The following AFF2 variants were observed in gnomAD, a reference collection of about 807,000 sequenced individuals.
AFF2 encodes ALF transcription elongation factor 2, also known as AF4/FMR2 family member 2.
Under a neutral mutation model 76.9 loss-of-function variants are expected in AFF2, and 14 were observed. The ratio of observed to expected loss-of-function variants is 0.18; its 90% CI spans 0.12 to 0.28. The LOEUF (loss-of-function observed/expected upper bound fraction) is 0.28. Ranked by LOEUF, AFF2 falls within the 10% of genes least tolerant of loss-of-function variation. The pLI is 1.00. For synonymous variants in AFF2, 398 were observed against 366.7 expected (o/e 1.09, Z -0.98); for missense variants, 868 against 1,001.1 (o/e 0.87, Z 1.79).
Position 148,962,938 on chromosome X carries a change from G to A in AFF2, c.2913+1G>A. 3 of 1,143,066 alleles carry A rather than the reference G, an allele frequency of 2.6e-6. No individual in the cohort carries two copies. The highest frequency in any genetic ancestry group is 1.8e-5 in the African/African-American group (1 of 56,417). 94.2% of individuals were successfully genotyped at this position (1,143,066 alleles called of 1,213,427 possible). Reference sequence around the variant, plus strand: ...TACTTTCAAAGGGATATCGGTAAATGTAAGCATCTTGGAAGAAATATTATT... The same window carrying A: ...TACTTTCAAAGGGATATCGGTAAATATAAGCATCTTGGAAGAAATATTATT... On this transcript the variant is annotated splice_donor_variant, in intron 13 of 20. Coordinates refer to ENST00000370460, the MANE Select transcript of AFF2 (RefSeq NM_002025.4). LOFTEE classifies it high-confidence loss of function.
At chrX:148,963,026 G>A in intron 13 of AFF2, 89 bp downstream of exon 13, 1 of 608,632 alleles carries the variant, frequency 1.6e-6, no homozygotes, top group East Asian at 3.5e-5. Flanking sequence ...TGTTGCAGGA[G>A]GAAGGGAGGA....
chrX:148,819,904 T>C (rs1007703288), intron 4 of AFF2, among the ~76,000 whole-genome samples: 1 of 111,729 alleles, frequency 9.0e-6, no homozygotes, highest in Non-Finnish European at 1.9e-5. Context: ...ATTGAATTGC[T>C]TTTGCATTTT....
chrX:148,532,323 G>A (rs1171140689), intron 1 of AFF2, among the ~76,000 whole-genome samples: 1 of 111,787 alleles, frequency 8.9e-6, no homozygotes, highest in African/African-American at 3.3e-5. Flanking sequence ...CTTAATGTTG[G>A]ACTGACACAG....
intron 12 of AFF2, among the ~76,000 whole-genome samples, chrX:148,959,631 T>C (rs1416283289): frequency 1.8e-5 from 2 of 112,257 alleles, no homozygotes; most frequent in African/African-American, 6.5e-5. Flanking sequence ...CCAGGATCAG[T>C]AGTTATTGGT....
At chrX:148,694,086 G>A (rs997876035) in intron 3 of AFF2, among the ~76,000 whole-genome samples, 8 of 103,428 alleles carry the variant, frequency 7.7e-5, no homozygotes, top group Non-Finnish European at 1.2e-4. Flanking sequence ...ACCAAACACC[G>A]CATATTCTCA....
At chrX:148,982,903 A>G (rs918302602) in intron 19 of AFF2, among the ~76,000 whole-genome samples, 4 of 112,298 alleles carry the variant, frequency 3.6e-5, no homozygotes, top group Admixed American at 1.9e-4. Context: ...ATGAGAGAAA[A>G]CAAATTTTCA....
At chrX:148,939,162 C>G (rs1045287831) in intron 9 of AFF2, among the ~76,000 whole-genome samples, 2 of 110,928 alleles carry the variant, frequency 1.8e-5, no homozygotes, top group African/African-American at 6.5e-5. Context: ...TTTATTTTTC[C>G]CTTGGCAAGA....
chrX:148,961,746 T>C (rs782198272), intron 12 of AFF2, among the ~76,000 whole-genome samples: 2 of 112,817 alleles, frequency 1.8e-5, no homozygotes, highest in South Asian at 7.3e-4. Context: ...GAGGAAAACA[T>C]AAATTCTTGT....
At chrX:148,906,645 G>T (rs782161002) in intron 9 of AFF2, among the ~76,000 whole-genome samples, 9 of 112,091 alleles carry the variant, frequency 8.0e-5, no homozygotes, top group Non-Finnish European at 1.3e-4. Flanking sequence ...ATTTGAGCCA[G>T]ATCAGGTAAC....
intron 3 of AFF2, among the ~76,000 whole-genome samples, chrX:148,772,332 TCA>T (rs1354531114): frequency 8.9e-6 from 1 of 111,913 alleles, no homozygotes; most frequent in African/African-American, 3.2e-5. Context: ...CCTTTATGCA[TCA>T]CAGTGTGTAG....
At chrX:148,597,769 T>C (rs1030351834) in intron 1 of AFF2, among the ~76,000 whole-genome samples, 1 of 111,975 alleles carries the variant, frequency 8.9e-6, no homozygotes, top group Non-Finnish European at 1.9e-5. Context: ...TACAGTTGAG[T>C]ACCTCTGCTC....
At chrX:148,576,053 G>A (rs1166125900) in intron 1 of AFF2, among the ~76,000 whole-genome samples, 1 of 110,916 alleles carries the variant, frequency 9.0e-6, no homozygotes, top group Admixed American at 9.7e-5. Flanking sequence ...CAGTGTACAG[G>A]TTGCTTGAAC....
intron 4 of AFF2, among the ~76,000 whole-genome samples, chrX:148,816,070 A>AG (rs1346038199): frequency 8.9e-6 from 1 of 111,950 alleles, no homozygotes; most frequent in Non-Finnish European, 1.9e-5. Context: ...TTTGCCAAAA[A>AG]GCATTCTAAG....
intron 1 of AFF2, among the ~76,000 whole-genome samples, chrX:148,599,078 A>C (rs181550266): frequency 2.1e-4 from 24 of 112,322 alleles, no homozygotes; most frequent in Non-Finnish European, 3.9e-4. Context: ...CAAAATTAGA[A>C]TGCCTGGTTT....
intron 7 of AFF2, among the ~76,000 whole-genome samples, chrX:148,878,620 A>G (rs1053277080): frequency 1.3e-4 from 14 of 111,864 alleles, no homozygotes; most frequent in Non-Finnish European, 2.1e-4. Context: ...GTACCGCCCT[A>G]CCAAAGAGCA....
intron 2 of AFF2, among the ~76,000 whole-genome samples, chrX:148,655,597 A>C (rs1395861724): frequency 8.9e-6 from 1 of 111,845 alleles, no homozygotes; most frequent in Non-Finnish European, 1.9e-5. Flanking sequence ...CTTAAGTCAA[A>C]ACTGTGAAGG....
chrX:148,578,378 G>A (rs1403190864), intron 1 of AFF2, among the ~76,000 whole-genome samples: 2 of 111,137 alleles, frequency 1.8e-5, no homozygotes, highest in Non-Finnish European at 3.8e-5. Context: ...CTCCACTTAA[G>A]AGTCATCTCT....
rs1426945657 is a variant in AFF2, at chrX:148,849,383, C to A, written c.1262+5950C>A. On this transcript the variant is annotated intron_variant, in intron 7 of 20. Transcript: ENST00000370460. ...CTCTCTCCTCCCCCCCCCCCCCCCC[C>A]CCCGCTGACCACCCCTCTCTCTCCT... Among the ~76,000 whole-genome samples the A allele has an allele frequency of 5.7e-3, 112 of 19,591 alleles. 18 individuals are homozygous for A. Among genetic ancestry groups the A allele is most frequent in the Non-Finnish European group, 0.014 (91 of 6,650 alleles). 17.0% of individuals were successfully genotyped at this position (19,591 alleles called of 115,157 possible). A position where few individuals can be genotyped will look rare whatever the true frequency, so the allele number is the denominator to read the frequency against.
intron 13 of AFF2, 56 bp from the exon 14 acceptor site, chrX:148,966,734 C>G (rs1242292040): frequency 3.4e-6 from 4 of 1,177,284 alleles, no homozygotes; most frequent in Admixed American, 2.3e-5. Context: ...GCATTTATGA[C>G]AAGGTGTTTT....
Sources: allele counts gnomAD v4.1 joint callset (sites outside exome capture counted in the v4.1 genomes callset), GRCh38; gene constraint gnomAD v4.1.1; transcripts MANE v1.5; gene names NCBI Gene and HGNC (gene_info 2026-07-23, HGNC 2026-07-21).